AHDC1: variants seen among roughly 807,000 people sequenced by gnomAD.
AHDC1 encodes the protein AT-hook DNA binding motif containing 1, also known as transcription factor Gibbin.
Under a neutral mutation model 87.9 loss-of-function variants are expected in AHDC1, and 7 were observed. The observed-to-expected ratio is 0.08, with a 90% CI of 0.05 to 0.15. The LOEUF is 0.15. Ranked by LOEUF, AHDC1 falls within the 10% of genes least tolerant of loss-of-function variation. The pLI is 1.00. For synonymous variants in AHDC1, 1,051 were observed against 1,006.8 expected, an observed-to-expected ratio of 1.04 and a Z score of -0.83; for missense variants, 1,841 against 2,253.2, an observed-to-expected ratio of 0.82 and a Z score of 3.70.
Position 27,558,364 on chromosome 1 carries a change from A to C in AHDC1, c.-284T>G. Reference sequence around the variant, plus strand: ...GGTAGAGAGGTGTCCTGGGGGGGTCAGCAGCTGCACACATCAGGCACTCTG... The same window carrying C: ...GGTAGAGAGGTGTCCTGGGGGGGTCCGCAGCTGCACACATCAGGCACTCTG... On this transcript the variant is annotated 5_prime_UTR_variant, in exon 5 of 9. Coordinates refer to ENST00000673934, the MANE Select transcript of AHDC1 (RefSeq NM_001371928.1). This position sits in a 1 kb window ranked among gnomAD's most constrained non-coding sequence, Gnocchi z 5.6. 6.1e-6 allele frequency: 1 copy of C among 163,096 alleles called. No homozygotes were observed. The highest frequency in any genetic ancestry group is 1.7e-4 in the East Asian group (1 of 6,012). The allele number at this position is 163,096 out of a possible 1,614,324, so 10.1% of individuals were successfully genotyped here. A position where few individuals can be genotyped will look rare whatever the true frequency, so the allele number is the denominator to read the frequency against.
chr1:27,582,665 T>A (rs1484468547), intron 3 of AHDC1, among the ~76,000 whole-genome samples: 1 of 152,232 alleles, frequency 6.6e-6, no homozygotes, highest in Admixed American at 6.5e-5. Context: ...ACATCAAGTG[T>A]GCACTTGATG....
Position 27,578,413 on chromosome 1 carries a change from A to C in AHDC1, c.-628-19530T>G, listed in dbSNP as rs184305629. On this transcript the variant is annotated intron_variant, in intron 3 of 8. Transcript: ENST00000673934. ...AGACCAGCCTGGCCAACACGGTGAC[A>C]CCCCATCTCTACAAAAAATACAAAA... Among the ~76,000 whole-genome samples the C allele has an allele frequency of 3.2e-4, 49 of 151,854 alleles. 1 individual carries two copies. In the East Asian group the frequency reaches 9.2e-3, roughly 29 times the overall value.
rs567910490 is a variant in AHDC1, at chr1:27,563,942, G to A, written c.-628-5059C>T. On this transcript the variant is annotated intron_variant, in intron 3 of 8. Transcript: ENST00000673934. The surrounding 1 kb of genome is among the most constrained non-coding windows in gnomAD (Gnocchi z 6.1). ...GGTGGAGGGAGGGCTGTCCTGAGGC[G>A]CTGTTACTATGAGACTGCTTAGAGA... Among the ~76,000 whole-genome samples, 7 of 152,290 alleles carry A rather than the reference G, an allele frequency of 4.6e-5. No individual in the cohort carries two copies. The South Asian group carries it at 8.3e-4, about 18-fold the overall frequency.
chr1:27,557,227 C>G (rs563194835), intron 5 of AHDC1, among the ~76,000 whole-genome samples: 401 of 151,696 alleles, frequency 2.6e-3, no homozygotes, highest in Non-Finnish European at 3.9e-3. Flanking sequence ...TTCCTCCCTC[C>G]GAGGTCACCC....
chr1:27,554,076 T>C (rs1280927766), intron 5 of AHDC1, among the ~76,000 whole-genome samples: 1 of 152,056 alleles, frequency 6.6e-6, no homozygotes, highest in Non-Finnish European at 1.5e-5. Context: ...CTCCAAAACA[T>C]TAAATTAAAA....
At chr1:27,552,271 A>G in intron 7 of AHDC1, 82 bp from the exon 8 acceptor site, 1 of 1,273,850 alleles carries the variant, frequency 7.9e-7, no homozygotes, top group South Asian at 2.6e-5. Flanking sequence ...GAGCTCCTGG[A>G]CCCCTCCCTC....
chr1:27,604,130 G>A lies in AHDC1; in HGVS notation c.-887C>T. The A allele has an allele frequency of 6.4e-6, 1 of 156,922 alleles. No homozygotes were observed. The highest frequency in any genetic ancestry group is 1.4e-5 in the Non-Finnish European group (1 of 71,146). The allele number at this position is 156,922 out of a possible 1,614,324, so 9.7% of individuals were successfully genotyped here. ...CCTGCCTCTCTCCGTCTCCGCCGCC[G>A]CCGCCGCTGCCTCTGCGAGCTCGCC... On this transcript the variant is annotated 5_prime_UTR_variant, in exon 1 of 9. Coordinates refer to ENST00000673934, the MANE Select transcript of AHDC1 (RefSeq NM_001371928.1).
intron 3 of AHDC1, among the ~76,000 whole-genome samples, chr1:27,564,261 G>A (rs755306420): frequency 1.2e-4 from 19 of 152,182 alleles, no homozygotes; most frequent in Non-Finnish European, 2.6e-4. Flanking sequence ...CCTTGGAGCA[G>A]CAGCTCAGCC....
chr1:27,570,294 A>G (rs1323072757), intron 3 of AHDC1, among the ~76,000 whole-genome samples: 1 of 151,778 alleles, frequency 6.6e-6, no homozygotes, highest in Non-Finnish European at 1.5e-5. Context: ...CTCCCCCTTG[A>G]GCTGGCAGCT....
In AHDC1 at chr1:27,566,721, G is replaced by C. The variant is rs145052671; in HGVS notation, c.-628-7838C>G. Among the ~76,000 whole-genome samples, 9 of 147,174 alleles carry C rather than the reference G, an allele frequency of 6.1e-5. No individual in the cohort carries two copies. In the East Asian group the frequency reaches 1.0e-3, roughly 17 times the overall value. On this transcript the variant is annotated intron_variant, in intron 3 of 8. Coordinates refer to ENST00000673934, the MANE Select transcript of AHDC1 (RefSeq NM_001371928.1). Reference sequence around the variant, plus strand: ...GGAGGGATGTCATTGCCAGAACTGGGGGGGGACAGAGGACAGAAATGGAAT... The same window carrying C: ...GGAGGGATGTCATTGCCAGAACTGGCGGGGGACAGAGGACAGAAATGGAAT...
chr1:27,554,251 G>A (rs924137384), intron 5 of AHDC1, among the ~76,000 whole-genome samples: 3 of 152,100 alleles, frequency 2.0e-5, no homozygotes, highest in Non-Finnish European at 2.9e-5. Flanking sequence ...CACCTTCATC[G>A]GAAAAACTCT....
chr1:27,596,675 A>C (rs928243741), intron 3 of AHDC1, among the ~76,000 whole-genome samples: 1 of 152,064 alleles, frequency 6.6e-6, no homozygotes. Flanking sequence ...TCCCACATGC[A>C]TGCCTGCCAC....
intron 8 of AHDC1, among the ~76,000 whole-genome samples, chr1:27,542,216 G>GA: frequency 6.6e-6 from 1 of 152,350 alleles, no homozygotes; most frequent in South Asian, 2.1e-4. Context: ...TGCAGTGGGG[G>GA]AGAGGACTGG....
intron 3 of AHDC1, among the ~76,000 whole-genome samples, chr1:27,577,503 T>C (rs2088788743): frequency 6.7e-6 from 1 of 149,422 alleles, no homozygotes; most frequent in East Asian, 2.0e-4. Flanking sequence ...CTCAGAGCCA[T>C]GGGGGCAGGG....
In AHDC1 at chr1:27,562,873, T is replaced by C. The variant is rs543451718; in HGVS notation, c.-628-3990A>G. 6.6e-6 allele frequency among the ~76,000 whole-genome samples: 1 copy of C among 152,250 alleles called. No homozygotes were observed. The highest frequency in any genetic ancestry group is 1.5e-5 in the Non-Finnish European group (1 of 68,012). On this transcript the variant is annotated intron_variant, in intron 3 of 8. Transcript: ENST00000673934. This position sits in a 1 kb window ranked among gnomAD's most constrained non-coding sequence, Gnocchi z 4.4. ...CCCACAACAGCCTGCGACGGGCACATGGTGACATCTCACACACACAACAGC... is the reference window on the plus strand; with the variant it reads ...CCCACAACAGCCTGCGACGGGCACACGGTGACATCTCACACACACAACAGC...
intron 3 of AHDC1, among the ~76,000 whole-genome samples, chr1:27,575,954 G>C (rs1571306961): frequency 2.0e-5 from 3 of 152,102 alleles, no homozygotes; most frequent in African/African-American, 7.2e-5. Flanking sequence ...GGTCGGGCTC[G>C]GGCTCTGCCC....
intron 3 of AHDC1, among the ~76,000 whole-genome samples, chr1:27,572,107 G>A (rs2088546581): frequency 6.6e-6 from 1 of 152,012 alleles, no homozygotes; most frequent in African/African-American, 2.4e-5. Flanking sequence ...AGAAATGGAG[G>A]GGGTTGCTTA....
rs1326884489 is a variant in AHDC1, at chr1:27,547,274, C to G, written c.*30G>C. On this transcript the variant is annotated 3_prime_UTR_variant, in exon 8 of 9. Coordinates refer to ENST00000673934, the MANE Select transcript of AHDC1 (RefSeq NM_001371928.1). This position sits in a 1 kb window ranked among gnomAD's most constrained non-coding sequence, Gnocchi z 4.9. The stretch of plus-strand genomic sequence containing the variant: ...CCCCAGACTCACCCAGGAACAAAAC[C>G]TCGCGGTCCAGTCGGCACTTCAGTT... 2.0e-6 allele frequency: 3 copies of G among 1,513,990 alleles called. No individual in the cohort carries two copies. Among genetic ancestry groups the G allele is most frequent in the African/African-American group, 2.8e-5 (2 of 71,636 alleles). 93.8% of individuals were successfully genotyped at this position (1,513,990 alleles called of 1,614,324 possible). A position where few individuals can be genotyped will look rare whatever the true frequency, so the allele number is the denominator to read the frequency against.
rs74666577 is a variant in AHDC1, at chr1:27,558,794, G to A, written c.-539C>T. ...GGGTGGTCTCTGCAACGGCCTGAGCGTCGCCCCGCACTCGGGGCCCTCTGC... is the reference window on the plus strand; with the variant it reads ...GGGTGGTCTCTGCAACGGCCTGAGCATCGCCCCGCACTCGGGGCCCTCTGC... On this transcript the variant is annotated 5_prime_UTR_variant, in exon 4 of 9. It adds an upstream start codon to the 5' untranslated region. Coordinates refer to ENST00000673934, the MANE Select transcript of AHDC1 (RefSeq NM_001371928.1). This position sits in a 1 kb window ranked among gnomAD's most constrained non-coding sequence, Gnocchi z 5.6. The A allele has an allele frequency of 0.012, 4,943 of 398,578 alleles. 44 individuals carry two copies. The highest frequency in any genetic ancestry group is 0.024 in the Middle Eastern group (38 of 1,592). The allele number at this position is 398,578 out of a possible 1,614,324, so 24.7% of individuals were successfully genotyped here.
Sources: gnomAD v4.1 joint callset for allele counts (sites outside exome capture counted in the v4.1 genomes callset) on GRCh38, gnomAD v4.1.1 for gene constraint, Gnocchi (gnomAD v3.1) non-coding constraint, MANE v1.5 for transcripts, NCBI Gene and HGNC (gene_info 2026-07-23, HGNC 2026-07-21) for gene names.